NOVA2: variants seen among roughly 807,000 people sequenced by gnomAD.
NOVA2 encodes the protein NOVA alternative splicing regulator 2.
Under a neutral mutation model 22.5 loss-of-function variants are expected in NOVA2, and 9 were observed. The observed-to-expected ratio is 0.40, with a 90% confidence interval of 0.24 to 0.70. The LOEUF (loss-of-function observed/expected upper bound fraction) is 0.70, where lower values mean the gene tolerates loss of function less well. Among genes scored for constraint, NOVA2 ranks in the 30% least tolerant of loss-of-function variants. The pLI is 0.38. For missense variants in NOVA2, 383 were observed against 682.8 expected, an observed-to-expected ratio of 0.56 and a Z score of 4.89; for synonymous variants, 318 against 335.2, an observed-to-expected ratio of 0.95 and a Z score of 0.56.
intron 2 of NOVA2, among the ~76,000 whole-genome samples, chr19:45,955,156 T>C (rs2146417813): frequency 6.6e-6 from 1 of 152,216 alleles, no homozygotes; most frequent in African/African-American, 2.4e-5. Context: ...ACAATGAATA[T>C]ATACCACTTT....
rs537751396 is a variant in NOVA2, at chr19:45,963,089, T to C, written c.86-1936A>G. On this transcript the variant is annotated intron_variant, in intron 1 of 3. Coordinates refer to ENST00000263257, the MANE Select transcript of NOVA2 (RefSeq NM_002516.4). ...ACACTTCTCAGTATAAGAAGACCCTTTGCGGCCGGGAGCGGTAGCTCACGC... is the reference window on the plus strand; with the variant it reads ...ACACTTCTCAGTATAAGAAGACCCTCTGCGGCCGGGAGCGGTAGCTCACGC... 2.0e-5 allele frequency among the ~76,000 whole-genome samples: 3 copies of C among 151,840 alleles called. No individual in the cohort carries two copies. The East Asian group carries it at 5.9e-4, about 30-fold the overall frequency.
Position 45,933,814 on chromosome 19 carries a change from C to T in NOVA2, c.*6049G>A, listed in dbSNP as rs1967623954. The T allele has an allele frequency of 1.9e-5, 1 of 53,458 alleles. No homozygotes were observed. The allele number at this position is 53,458 out of a possible 1,614,324, so 3.3% of individuals were successfully genotyped here. A position where few individuals can be genotyped will look rare whatever the true frequency, so the allele number is the denominator to read the frequency against. On this transcript the variant is annotated 3_prime_UTR_variant, in exon 4 of 4. Coordinates refer to ENST00000263257, the MANE Select transcript of NOVA2 (RefSeq NM_002516.4). ...GTGGGGAAAGGGGGTGTGGTGGGGG[C>T]TGGGGTGGGGGCCATGGAAGCTAAT...
chr19:45,947,392 T>C (rs188601720), intron 3 of NOVA2, among the ~76,000 whole-genome samples: 336 of 151,870 alleles, frequency 2.2e-3, no homozygotes, highest in African/African-American at 7.6e-3. Context: ...TACTATGCAA[T>C]TGGGCAGCCA....
rs552202325 is a variant in NOVA2, at chr19:45,948,662, T to A, written c.396+5118A>T. Reference sequence around the variant, plus strand: ...AAAGAAATGATTATTGTCATTGTTATCCCCATGGATGGAGCTGGATTTAAA... The same window carrying A: ...AAAGAAATGATTATTGTCATTGTTAACCCCATGGATGGAGCTGGATTTAAA... On this transcript the variant is annotated intron_variant, in intron 3 of 3. Transcript: ENST00000263257. 1.2e-4 allele frequency among the ~76,000 whole-genome samples: 18 copies of A among 151,396 alleles called. No individual in the cohort carries two copies. In the South Asian group the frequency reaches 3.8e-3, roughly 32 times the overall value.
In NOVA2 at chr19:45,933,897, C is replaced by A. The variant is rs1967624813; in HGVS notation, c.*5966G>T. ...GGGGTGGGTGAGTGGGTGGGGTGGG[C>A]GTGGCCCAGGCATGGCAATGTGGGG... On this transcript the variant is annotated 3_prime_UTR_variant, in exon 4 of 4. Transcript: ENST00000263257. 1 of 150,756 alleles carries A rather than the reference C, an allele frequency of 6.6e-6. No homozygotes were observed. The highest frequency in any genetic ancestry group is 2.1e-4 in the South Asian group (1 of 4,760). 9.3% of individuals were successfully genotyped at this position (150,756 alleles called of 1,614,324 possible). A position where few individuals can be genotyped will look rare whatever the true frequency, so the allele number is the denominator to read the frequency against.
intron 3 of NOVA2, among the ~76,000 whole-genome samples, chr19:45,951,827 T>A (rs902050894): frequency 6.6e-6 from 1 of 151,982 alleles, no homozygotes; most frequent in Non-Finnish European, 1.5e-5. Flanking sequence ...ATAATAATAA[T>A]AAAGCATTTT....
intron 1 of NOVA2, chr19:45,962,611 A>G (rs1336234471): frequency 2.6e-5 from 4 of 152,066 alleles, no homozygotes; most frequent in African/African-American, 9.7e-5. Flanking sequence ...TCTTTGTTAT[A>G]GGCCAATTTT....
At chr19:45,946,226 C>T (rs560537442) in intron 3 of NOVA2, among the ~76,000 whole-genome samples, 9 of 152,016 alleles carry the variant, frequency 5.9e-5, no homozygotes, top group African/African-American at 2.2e-4. Flanking sequence ...GGCTTGAGCC[C>T]AAGAGGTGGA....
Position 45,938,101 on chromosome 19 carries a change from G to A in NOVA2, c.*1762C>T, listed in dbSNP as rs189673358. The A allele has an allele frequency of 6.6e-5, 10 of 152,320 alleles. No homozygotes were observed. The highest frequency in any genetic ancestry group is 2.2e-4 in the African/African-American group (9 of 41,556). The allele number at this position is 152,320 out of a possible 1,614,324, so 9.4% of individuals were successfully genotyped here. ...GCACTGGGCGCCCTGCTTTGGGTTG[G>A]AGAAAGTGGAGGTGGTCTCCAAGGA... On this transcript the variant is annotated 3_prime_UTR_variant, in exon 4 of 4. Transcript: ENST00000263257.
Position 45,940,498 on chromosome 19 carries a change from C to G in NOVA2, c.844G>C (p.Ala282Pro), listed in dbSNP as rs1337613304. Residue 282 changes from alanine to proline, a missense_variant, in exon 4 of 4, where the codon GCG becomes CCG. Ala to Pro is a conservative substitution (Grantham distance 27). Transcript: ENST00000263257. ...CCGTAACTTGCCAGCGTGTTAAGCG[C>G]CGTGCTGATGGCCAGCAGGTCGGTG... ...SGTDLLAIST[A>P]LNTLASYGYN... The G allele has an allele frequency of 6.6e-7, 1 of 1,524,920 alleles. No individual in the cohort carries two copies. 94.5% of individuals were successfully genotyped at this position (1,524,920 alleles called of 1,614,324 possible).
intron 1 of NOVA2, among the ~76,000 whole-genome samples, chr19:45,966,188 T>C (rs1010813952): frequency 6.6e-6 from 1 of 152,182 alleles, no homozygotes. Flanking sequence ...GCACTCAGCC[T>C]CTCTCTAATT....
chr19:45,948,693 C>T (rs892816942), intron 3 of NOVA2, among the ~76,000 whole-genome samples: 1 of 151,744 alleles, frequency 6.6e-6, no homozygotes, highest in Non-Finnish European at 1.5e-5. Context: ...TTAAATCCCA[C>T]ATCTGCGGTA....
intron 1 of NOVA2, chr19:45,962,393 G>A (rs1441962205): frequency 6.5e-6 from 1 of 152,700 alleles, no homozygotes; most frequent in Non-Finnish European, 1.5e-5. Context: ...GGCACAGAGG[G>A]GCACAGAGAA....
rs1967683042 is a variant in NOVA2 at position 45,938,074 on chromosome 19, G to C, written c.*1789C>G. 6.6e-6 allele frequency: 1 copy of C among 152,214 alleles called. No homozygotes were observed. Among genetic ancestry groups the C allele is most frequent in the South Asian group, 2.1e-4 (1 of 4,826 alleles). The allele number at this position is 152,214 out of a possible 1,614,324, so 9.4% of individuals were successfully genotyped here. A position where few individuals can be genotyped will look rare whatever the true frequency, so the allele number is the denominator to read the frequency against. On this transcript the variant is annotated 3_prime_UTR_variant, in exon 4 of 4. Coordinates refer to ENST00000263257, the MANE Select transcript of NOVA2 (RefSeq NM_002516.4). ...CCCAGAGATGCTGATGATGGAACCA[G>C]GGCACTGGGCGCCCTGCTTTGGGTT...
At chr19:45,973,076 A>G (rs1454215576) in intron 1 of NOVA2, among the ~76,000 whole-genome samples, 191 bp downstream of exon 1, 7 of 67,672 alleles carry the variant, frequency 1.0e-4, no homozygotes, top group African/African-American at 4.1e-4. Context: ...CAAAGCTCCC[A>G]GCCCCGGGCC....
In NOVA2 at chr19:45,939,751, T is replaced by A. The variant is rs1373885746; in HGVS notation, c.*112A>T. 1 of 1,393,684 alleles carries A rather than the reference T, an allele frequency of 7.2e-7. No individual in the cohort carries two copies. Among genetic ancestry groups the A allele is most frequent in the Non-Finnish European group, 9.8e-7 (1 of 1,017,070 alleles). 86.3% of individuals were successfully genotyped at this position (1,393,684 alleles called of 1,614,324 possible). A position where few individuals can be genotyped will look rare whatever the true frequency, so the allele number is the denominator to read the frequency against. ...TGCAGTCGGGCCTACCCCAGCCCCA[T>A]CCCAAGAGGAGCAGGACTACACCAA... On this transcript the variant is annotated 3_prime_UTR_variant, in exon 4 of 4. Coordinates refer to ENST00000263257, the MANE Select transcript of NOVA2 (RefSeq NM_002516.4).
At chr19:45,971,174 C>T (rs191255910) in intron 1 of NOVA2, among the ~76,000 whole-genome samples, 1 of 152,280 alleles carries the variant, frequency 6.6e-6, no homozygotes, top group Non-Finnish European at 1.5e-5. Context: ...ACCCATGTCT[C>T]AGAGTAGTAG....
At chr19:45,956,872 C>A (rs533846884) in intron 2 of NOVA2, among the ~76,000 whole-genome samples, 3 of 152,280 alleles carry the variant, frequency 2.0e-5, no homozygotes, top group East Asian at 1.9e-4. Flanking sequence ...TGTTCAAGTT[C>A]TCTTAGATGG....
At chr19:45,964,186 T>C (rs996612174) in intron 1 of NOVA2, among the ~76,000 whole-genome samples, 375 of 124,742 alleles carry the variant, frequency 3.0e-3, no homozygotes, top group Non-Finnish European at 4.3e-3. Context: ...TTTCTTTTTT[T>C]TTTTTTTTTT....
Sources: allele counts gnomAD v4.1 joint callset (sites outside exome capture counted in the v4.1 genomes callset), GRCh38; gene constraint gnomAD v4.1.1; transcripts MANE v1.5; gene names NCBI Gene and HGNC (gene_info 2026-07-23, HGNC 2026-07-21).